The following CEMIP2 variants were observed in gnomAD, a reference collection of about 807,000 sequenced individuals.
CEMIP2 encodes the protein cell surface hyaluronidase CEMIP2.
CEMIP2 carries 79 observed loss-of-function variants against 146.9 expected under a neutral mutation model. The observed-to-expected ratio is 0.54, with a 90% CI of 0.45 to 0.65. The LOEUF is 0.65. Ranked by LOEUF, CEMIP2 falls within the 30% of genes least tolerant of loss-of-function variation. The probability of loss-of-function intolerance (pLI) is 0.00; values close to 1 mark genes in which losing one functional copy is unlikely to be tolerated. For missense variants in CEMIP2, 1,596 were observed against 1,696.2 expected (o/e 0.94, Z 1.04); for synonymous variants, 601 against 606.3 (o/e 0.99, Z 0.13).
chr9:71,718,568 CTG>C (rs1284213182), intron 12 of CEMIP2, among the ~76,000 whole-genome samples: 2 of 151,904 alleles, frequency 1.3e-5, no homozygotes, highest in African/African-American at 4.8e-5. Flanking sequence ...TTAAAATAGA[CTG>C]TATTTTTTAA....
At chr9:71,737,842 T>C (rs948639464) in intron 5 of CEMIP2, among the ~76,000 whole-genome samples, 2 of 152,206 alleles carry the variant, frequency 1.3e-5, no homozygotes, top group South Asian at 4.1e-4. Context: ...TAAGATTTTA[T>C]ACAAATAATA....
chr9:71,685,173 C>A lies in CEMIP2; in HGVS notation c.*24G>T. On this transcript the variant is annotated 3_prime_UTR_variant, in exon 24 of 24. Transcript: ENST00000377044. Reference sequence around the variant, plus strand: ...AAGTTAGTTCACATTTTTTTTCCCCCAGCACTTAAGTTACAGTTAGTCTCT... The same window carrying A: ...AAGTTAGTTCACATTTTTTTTCCCCAAGCACTTAAGTTACAGTTAGTCTCT... 1 of 1,548,974 alleles carries A rather than the reference C, an allele frequency of 6.5e-7. No homozygotes were observed. Among genetic ancestry groups the A allele is most frequent in the Non-Finnish European group, 8.7e-7 (1 of 1,144,628 alleles).
chr9:71,759,423 C>T (rs761194876), intron 1 of CEMIP2, among the ~76,000 whole-genome samples: 5 of 152,162 alleles, frequency 3.3e-5, no homozygotes, highest in Non-Finnish European at 5.9e-5. Context: ...AAATCCCTGC[C>T]ATGAGGCAGT....
At position 71,718,058 on chromosome 9, in the gene CEMIP2, T is replaced by A; in HGVS notation, c.2289A>T (p.Ala763=). 2.5e-6 allele frequency: 4 copies of A among 1,610,388 alleles called. No homozygotes were observed. Among genetic ancestry groups the A allele is most frequent in the Non-Finnish European group, 2.5e-6 (3 of 1,178,234 alleles). Residue 763 remains alanine, a synonymous_variant, in exon 13 of 24, where the codon GCA becomes GCT. Transcript: ENST00000377044. ...NSARFRPHQD[A]NPEKPRVAAL... ...CAGCAACACGTGGTTTTTCGGGGTTTGCATCCTGATGAGGTCGAAATCTAG... is the reference window on the plus strand; with the variant it reads ...CAGCAACACGTGGTTTTTCGGGGTTAGCATCCTGATGAGGTCGAAATCTAG...
chr9:71,764,157 T>C (rs932605022), intron 1 of CEMIP2, among the ~76,000 whole-genome samples: 20 of 152,348 alleles, frequency 1.3e-4, no homozygotes, highest in Non-Finnish European at 2.5e-4. Flanking sequence ...CTACAGTACT[T>C]TAAATTTCCA....
At chr9:71,717,539 G>A (rs1823095532) in intron 13 of CEMIP2, among the ~76,000 whole-genome samples, 1 of 152,160 alleles carries the variant, frequency 6.6e-6, no homozygotes, top group Admixed American at 6.5e-5. Context: ...TAAGTCAACA[G>A]ATTTACTGAG....
chr9:71,724,775 T>A (rs1823333795), intron 11 of CEMIP2, among the ~76,000 whole-genome samples: 1 of 152,230 alleles, frequency 6.6e-6, no homozygotes, highest in African/African-American at 2.4e-5. Context: ...ACTATTTATA[T>A]AATTAGTATA....
chr9:71,723,684 G>A (rs948722083), intron 11 of CEMIP2, among the ~76,000 whole-genome samples: 3 of 152,114 alleles, frequency 2.0e-5, no homozygotes, highest in Non-Finnish European at 4.4e-5. Context: ...CATTCAAAGG[G>A]TACTCAGTAA....
intron 13 of CEMIP2, among the ~76,000 whole-genome samples, chr9:71,717,430 G>A (rs1823091084): frequency 6.6e-6 from 1 of 151,812 alleles, no homozygotes; most frequent in African/African-American, 2.4e-5. Context: ...CTAGACTGTT[G>A]AACACTAAAT....
At chr9:71,694,923 C>A (rs1449532179) in intron 20 of CEMIP2, among the ~76,000 whole-genome samples, 3 of 152,112 alleles carry the variant, frequency 2.0e-5, no homozygotes, top group African/African-American at 7.2e-5. Flanking sequence ...AAAACAGGCA[C>A]AAATATTTTT....
rs1416237977 is a variant in CEMIP2 at position 71,721,194 on chromosome 9, A to G, written c.2267+1233T>C. Among the ~76,000 whole-genome samples the G allele has an allele frequency of 3.9e-5, 6 of 152,292 alleles. 1 individual carries two copies. Among genetic ancestry groups the G allele is most frequent in the African/African-American group, 1.4e-4 (6 of 41,582 alleles). ...AAGAACACATTACTTTCTACCAATT[A>G]TAATAAATTATATTAGTTCTACCAA... On this transcript the variant is annotated intron_variant, in intron 12 of 23. Coordinates refer to ENST00000377044, the MANE Select transcript of CEMIP2 (RefSeq NM_013390.3).
intron 13 of CEMIP2, among the ~76,000 whole-genome samples, chr9:71,717,475 T>A (rs1256692144): frequency 6.6e-6 from 1 of 152,048 alleles, no homozygotes; most frequent in Non-Finnish European, 1.5e-5. Context: ...CTCCTAAAAT[T>A]ATACAAATGG....
intron 1 of CEMIP2, among the ~76,000 whole-genome samples, chr9:71,753,640 T>A (rs1824325428): frequency 6.6e-6 from 1 of 152,152 alleles, no homozygotes; most frequent in Non-Finnish European, 1.5e-5. Context: ...TGTATTAGAA[T>A]AAAATAACCA....
chr9:71,707,202 T>C (rs926248277), intron 17 of CEMIP2, among the ~76,000 whole-genome samples: 7 of 152,302 alleles, frequency 4.6e-5, no homozygotes, highest in Middle Eastern at 3.4e-3. Context: ...TAAACTTAAT[T>C]TGGGGAAGGC....
intron 2 of CEMIP2, among the ~76,000 whole-genome samples, chr9:71,748,173 A>C (rs1174462551): frequency 6.6e-6 from 1 of 152,144 alleles, no homozygotes; most frequent in Non-Finnish European, 1.5e-5. Context: ...AATTTCTCTT[A>C]ATTGTTTTTA....
rs1056491729 is a variant in CEMIP2, at chr9:71,750,124, T to C, written c.250A>G (p.Ile84Val). 6.2e-7 allele frequency: 1 copy of C among 1,613,866 alleles called. No individual in the cohort carries two copies. The highest frequency in any genetic ancestry group is 1.7e-5 in the Admixed American group (1 of 60,000). The change falls in exon 2 of 24, where the codon ATT (isoleucine) becomes GTT (valine). Residue 84 changes from isoleucine to valine, a missense_variant. Ile to Val is a conservative substitution (Grantham distance 29). Coordinates refer to ENST00000377044, the MANE Select transcript of CEMIP2 (RefSeq NM_013390.3). ...QKQKRHKNTFICFAITSFSFF... is the reference protein window; with the variant it reads ...QKQKRHKNTFVCFAITSFSFF... ...GAGAAACTAGTAATAGCAAAACAAA[T>C]GAAAGTATTTTTGTGTCTCTTTTGC...
chr9:71,764,353 T>C (rs1012047054), intron 1 of CEMIP2, among the ~76,000 whole-genome samples: 1 of 151,836 alleles, frequency 6.6e-6, no homozygotes, highest in African/African-American at 2.4e-5. Flanking sequence ...ACAAATTATC[T>C]GATCATTAAA....
rs758270423 is a variant in CEMIP2 at position 71,730,289 on chromosome 9, C to T, written c.1774-36G>A. 1.1e-5 allele frequency: 17 copies of T among 1,589,864 alleles called. No individual in the cohort carries two copies. The Middle Eastern group carries it at 7.7e-4, about 72-fold the overall frequency. On this transcript the variant is annotated intron_variant, in intron 8 of 23. Transcript: ENST00000377044. ...AAAAGTATATTAATGTCATTGGTAACAAGAATGATTGTGATTTAAGTGACA... is the reference window on the plus strand; with the variant it reads ...AAAAGTATATTAATGTCATTGGTAATAAGAATGATTGTGATTTAAGTGACA...
intron 1 of CEMIP2, among the ~76,000 whole-genome samples, chr9:71,753,001 G>A (rs897293252): frequency 1.3e-5 from 2 of 150,588 alleles, no homozygotes; most frequent in Admixed American, 1.3e-4. Context: ...ACCATTCAAG[G>A]TGCTATTGAA....
Sources: allele counts gnomAD v4.1 joint callset (sites outside exome capture counted in the v4.1 genomes callset), GRCh38; gene constraint gnomAD v4.1.1; transcripts MANE v1.5; gene names NCBI Gene and HGNC (gene_info 2026-07-23, HGNC 2026-07-21).